Variants in PRPF3 observed in about 807,000 individuals in gnomAD.
PRPF3 encodes the protein U4/U6 small nuclear ribonucleoprotein Prp3.
A neutral mutation model predicts 89.2 loss-of-function variants in PRPF3; 3 were observed. That is an observed-to-expected ratio of 0.03 (90% CI 0.02 to 0.09). The LOEUF (loss-of-function observed/expected upper bound fraction) is 0.09, where lower values mean the gene tolerates loss of function less well. Ranked by LOEUF, PRPF3 falls within the 10% of genes least tolerant of loss-of-function variation. PRPF3 has a pLI of 1.00. For synonymous variants in PRPF3, 270 were observed against 289.1 expected, an observed-to-expected ratio of 0.93 and a Z score of 0.67; for missense variants, 463 against 828.8, an observed-to-expected ratio of 0.56 and a Z score of 5.42.
At chr1:150,322,654 G>A (rs587735862) in intron 1 of PRPF3, among the ~76,000 whole-genome samples, 18 of 152,184 alleles carry the variant, frequency 1.2e-4, no homozygotes, top group African/African-American at 4.3e-4. Context: ...GCTTCCTTTG[G>A]ATATACCAAA....
At chr1:150,334,861 G>T (rs1001765835) in intron 6 of PRPF3, 74 bp from the exon 7 acceptor site, 1 of 1,562,198 alleles carries the variant, frequency 6.4e-7, no homozygotes, top group East Asian at 2.3e-5. Context: ...GAGCCACCAC[G>T]CCTGGCTTTA....
intron 7 of PRPF3, among the ~76,000 whole-genome samples, chr1:150,337,683 C>T (rs989165342): frequency 1.3e-5 from 2 of 150,182 alleles, no homozygotes. Context: ...GAGGCTGAGT[C>T]AGGAGAATGG....
At chr1:150,324,799 G>A in intron 1 of PRPF3, 96 bp from the exon 2 acceptor site, 1 of 930,600 alleles carries the variant, frequency 1.1e-6, no homozygotes, top group Admixed American at 2.4e-5. Flanking sequence ...CATCCACCTT[G>A]GCCTCCCAAA....
At position 150,338,166 on chromosome 1, in the gene PRPF3, C is replaced by A; in HGVS notation, c.1042C>A (p.Leu348Met). Residue 348 changes from leucine to methionine, a missense_variant, in exon 8 of 16, where the codon CTG (leucine) becomes ATG (methionine). Leu to Met is a conservative substitution (Grantham distance 15, BLOSUM62 2). This residue lies in a region of PRPF3 where 261 missense variants were observed against 475.8 expected (regional missense o/e 0.55). Transcript: ENST00000324862. ...TGGATTATCTTGTTTTTAGGCTCAA[C>A]TGGAGAAGCTACAGGCAGAGATTTC... ...IAQRLRTKAQ[L>M]EKLQAEISQA... is the part of the protein sequence containing the mutation. 1 of 1,613,656 alleles carries A rather than the reference C, an allele frequency of 6.2e-7. No homozygotes were observed. The highest frequency in any genetic ancestry group is 8.5e-7 in the Non-Finnish European group (1 of 1,179,858).
At chr1:150,339,737 G>GTTTTTTTT (rs71578484) in intron 8 of PRPF3, among the ~76,000 whole-genome samples, 2 of 110,266 alleles carry the variant, frequency 1.8e-5, no homozygotes, top group African/African-American at 3.7e-5. Flanking sequence ...CACGCCTGGC[G>GTTTTTTTT]TTTTTTTTTT....
chr1:150,346,273 G>GT lies in PRPF3; in HGVS notation c.1760-129dup, dbSNP rs1658263471. 5 of 1,235,828 alleles carry GT rather than the reference G, an allele frequency of 4.0e-6. No individual in the cohort carries two copies. In the South Asian group the frequency reaches 6.0e-5, roughly 15 times the overall value. 76.6% of individuals were successfully genotyped at this position (1,235,828 alleles called of 1,614,324 possible). On this transcript the variant is annotated intron_variant, in intron 13 of 15. Coordinates refer to ENST00000324862, the MANE Select transcript of PRPF3 (RefSeq NM_004698.4). ...TAATATGCTAGGTCTCTGCTTCTGT[G>GT]TTTTTTGGAGTAGAAGGCCCTAAGA... is the stretch of plus-strand genomic sequence containing the variant.
At chr1:150,337,961 C>A (rs1657233059) in intron 7 of PRPF3, among the ~76,000 whole-genome samples, 199 bp from the exon 8 acceptor site, 1 of 151,732 alleles carries the variant, frequency 6.6e-6, no homozygotes, top group Admixed American at 6.6e-5. Context: ...GTAATCCCAG[C>A]TACTGAGGAG....
intron 14 of PRPF3, among the ~76,000 whole-genome samples, chr1:150,348,371 C>T (rs2794682): frequency 0.33 from 49,809 of 149,730 alleles, 8,932 homozygotes; most frequent in Non-Finnish European, 0.4. Context: ...AGCAAGACTC[C>T]GTCTCAAAAA....
At chr1:150,327,515 C>G in intron 3 of PRPF3, 1 of 961,076 alleles carries the variant, frequency 1.0e-6, no homozygotes, top group African/African-American at 1.8e-5. Flanking sequence ...GTCCCCACCC[C>G]ACACAATATA....
intron 12 of PRPF3, 75 bp from the exon 13 acceptor site, chr1:150,345,943 C>G: frequency 2.6e-6 from 3 of 1,154,738 alleles, no homozygotes; most frequent in Admixed American, 1.7e-5. Flanking sequence ...TTGGATTCAT[C>G]TTTTTACTTG....
At chr1:150,344,777 C>G (rs587737799) in intron 12 of PRPF3, among the ~76,000 whole-genome samples, 1 of 150,804 alleles carries the variant, frequency 6.6e-6, no homozygotes, top group East Asian at 1.9e-4. Context: ...TTTTTTTTAC[C>G]AGAATATTAG....
rs1438395592 is a variant in PRPF3, at chr1:150,343,245, AAAAATAT to A, written c.1283-62_1283-56del. ...TGACAGAGTGAGAGAGAGAAAAAAA[AAAAATAT>A]ATATATATATATATGTATTCTTACT... is the stretch of plus-strand genomic sequence containing the variant. On this transcript the variant is annotated intron_variant, in intron 9 of 15. Transcript: ENST00000324862. 0.047 allele frequency: 17,316 copies of A among 371,866 alleles called. 435 individuals are homozygous for A. The highest frequency in any genetic ancestry group is 0.056 in the South Asian group (707 of 12,548). The allele number at this position is 371,866 out of a possible 1,614,324, so 23.0% of individuals were successfully genotyped here.
chr1:150,338,840 A>T (rs587750454), intron 8 of PRPF3, among the ~76,000 whole-genome samples: 1 of 152,208 alleles, frequency 6.6e-6, no homozygotes, highest in South Asian at 2.1e-4. Flanking sequence ...TAAGTGATGT[A>T]TCATATATAT....
At chr1:150,342,784 G>T (rs1175026981) in intron 9 of PRPF3, among the ~76,000 whole-genome samples, 3 of 151,500 alleles carry the variant, frequency 2.0e-5, no homozygotes, top group Non-Finnish European at 2.9e-5. Flanking sequence ...GCCTCCCAAA[G>T]TGCTGGGATT....
rs781882708 is a variant in PRPF3, at chr1:150,346,506, G to A, written c.1843+15G>A. Reference sequence around the variant, plus strand: ...AAAGGGAGATGGTGAATGGGGGTTAGAGGGGATTAAGGGGGAGAGCTATGG... The same window carrying A: ...AAAGGGAGATGGTGAATGGGGGTTAAAGGGGATTAAGGGGGAGAGCTATGG... On this transcript the variant is annotated intron_variant, in intron 14 of 15. Coordinates refer to ENST00000324862, the MANE Select transcript of PRPF3 (RefSeq NM_004698.4). The A allele has an allele frequency of 6.2e-7, 1 of 1,602,756 alleles. No homozygotes were observed. Among genetic ancestry groups the A allele is most frequent in the Non-Finnish European group, 8.5e-7 (1 of 1,169,660 alleles).
chr1:150,349,242 T>G, intron 15 of PRPF3, 24 bp downstream of exon 15: 1 of 1,594,300 alleles, frequency 6.3e-7, no homozygotes, highest in Non-Finnish European at 8.6e-7. Flanking sequence ...TGTAAAACAT[T>G]GTAAAACTTT....
chr1:150,351,999 C>G (rs968142478), intron 15 of PRPF3, among the ~76,000 whole-genome samples: 4 of 152,134 alleles, frequency 2.6e-5, no homozygotes, highest in Non-Finnish European at 5.9e-5. Context: ...GGAGTCTACT[C>G]CCTGAACGCC....
Position 150,331,926 on chromosome 1 carries a change from A to T in PRPF3, c.424-758A>T, listed in dbSNP as rs185027992. Among the ~76,000 whole-genome samples the T allele has an allele frequency of 1.0e-3, 155 of 151,884 alleles. 1 individual carries two copies. The highest frequency in any genetic ancestry group is 3.0e-3 in the Admixed American group (46 of 15,216). On this transcript the variant is annotated intron_variant, in intron 4 of 15. Transcript: ENST00000324862. ...TCAAGTACTAATATCATGATTTTTT[A>T]AAAAAAATTAAGTATAGGCTGGGTG... is the stretch of plus-strand genomic sequence containing the variant.
intron 12 of PRPF3, 129 bp from the exon 13 acceptor site, chr1:150,345,889 A>C (rs1472435638): frequency 3.4e-5 from 26 of 772,686 alleles, no homozygotes; most frequent in Non-Finnish European, 5.7e-5. Flanking sequence ...GCATTCATCT[A>C]TTTGTTTACT....
Sources: gnomAD v4.1 joint callset for allele counts (sites outside exome capture counted in the v4.1 genomes callset) on GRCh38, gnomAD v4.1.1 for gene constraint, gnomAD v4.1.1 regional missense constraint, MANE v1.5 for transcripts, NCBI Gene and HGNC (gene_info 2026-07-23, HGNC 2026-07-21) for gene names.